The following TSC22D4 variants were observed in gnomAD, a reference collection of about 807,000 sequenced individuals.
The protein encoded by TSC22D4 is TSC22 domain family member 4.
In TSC22D4, 5 loss-of-function variants were observed where a neutral mutation model predicts 24.9. That is an observed-to-expected ratio of 0.20 (90% CI 0.10 to 0.42). TSC22D4 has a LOEUF of 0.42. Ranked by LOEUF, TSC22D4 falls within the 10% of genes least tolerant of loss-of-function variation. The pLI, the probability that TSC22D4 is intolerant of heterozygous loss-of-function variation, is 1.00. For synonymous variants in TSC22D4, 245 were observed against 243.2 expected (o/e 1.01, Z -0.07); for missense variants, 469 against 547.9 (o/e 0.86, Z 1.44).
In TSC22D4 at chr7:100,477,183, G is replaced by A; in HGVS notation, c.762+94C>T. ...CTATCTGATCTTATAAAGTGATGGA[G>A]AAGGAGGAGGAGAGGGGGGGGAGGA... On this transcript the variant is annotated intron_variant, in intron 2 of 4. Transcript: ENST00000300181. The surrounding 1 kb of genome is among the most constrained non-coding windows in gnomAD (Gnocchi z 7.8). The A allele has an allele frequency of 9.3e-7, 1 of 1,080,198 alleles. No individual in the cohort carries two copies. Among genetic ancestry groups the A allele is most frequent in the Non-Finnish European group, 1.3e-6 (1 of 796,912 alleles). 66.9% of individuals were successfully genotyped at this position (1,080,198 alleles called of 1,614,324 possible). A position where few individuals can be genotyped will look rare whatever the true frequency, so the allele number is the denominator to read the frequency against.
intron 4 of TSC22D4, 177 bp from the exon 5 acceptor site, chr7:100,467,345 A>G (rs1799301728): frequency 3.5e-6 from 3 of 850,940 alleles, no homozygotes; most frequent in Admixed American, 2.1e-5. Context: ...AAAGACAGAG[A>G]TGGGGACCAG....
At chr7:100,470,590 G>A (rs1044950842) in intron 3 of TSC22D4, among the ~76,000 whole-genome samples, 5 of 152,160 alleles carry the variant, frequency 3.3e-5, no homozygotes, top group Admixed American at 3.3e-4. Flanking sequence ...ACAGGTGTGA[G>A]TCACTGTGCC....
At chr7:100,470,010 G>A (rs981496909) in intron 3 of TSC22D4, among the ~76,000 whole-genome samples, 3 of 152,164 alleles carry the variant, frequency 2.0e-5, no homozygotes, top group African/African-American at 7.2e-5. Context: ...GAGAGGAGAA[G>A]TTGAAGGGTG....
Position 100,477,733 on chromosome 7 carries a change from G to A in TSC22D4, c.306C>T (p.Pro102=), listed in dbSNP as rs1436801007. Residue 102 remains proline, a synonymous_variant, in exon 2 of 5, where the codon CCC becomes CCT. Transcript: ENST00000300181. The surrounding 1 kb of genome is among the most constrained non-coding windows in gnomAD (Gnocchi z 7.8). ...CVDVYERDLE[P]HSFGGLLEGI... ...CCTCCAGGAGTCCGCCGAAGCTGTGGGGCTCCAGGTCTCGCTCATAAACAT... is the reference window on the plus strand; with the variant it reads ...CCTCCAGGAGTCCGCCGAAGCTGTGAGGCTCCAGGTCTCGCTCATAAACAT... 1.6e-5 allele frequency: 25 copies of A among 1,602,398 alleles called. No homozygotes were observed. The highest frequency in any genetic ancestry group is 1.1e-4 in the East Asian group (5 of 44,836).
chr7:100,469,939 G>C (rs1005236866), intron 3 of TSC22D4, among the ~76,000 whole-genome samples: 42 of 152,298 alleles, frequency 2.8e-4, no homozygotes, highest in African/African-American at 9.9e-4. Flanking sequence ...GAGGTGACTA[G>C]GCCTGAGCGA....
rs1799462714 is a variant in TSC22D4, at chr7:100,474,791, G to A, written c.763-351C>T. ...TAATCAGAGGCTACGCAGCGTGTCT[G>A]CCTTCTTTTATGTTTTATTTTTATT... On this transcript the variant is annotated intron_variant, in intron 2 of 4. Coordinates refer to ENST00000300181, the MANE Select transcript of TSC22D4 (RefSeq NM_030935.5). This position sits in a 1 kb window ranked among gnomAD's most constrained non-coding sequence, Gnocchi z 4.3. 6.6e-6 allele frequency among the ~76,000 whole-genome samples: 1 copy of A among 152,072 alleles called. No individual in the cohort carries two copies.
At chr7:100,471,149 C>T (rs1409050089) in intron 3 of TSC22D4, among the ~76,000 whole-genome samples, 2 of 149,390 alleles carry the variant, frequency 1.3e-5, no homozygotes, top group Non-Finnish European at 3.0e-5. Flanking sequence ...AGGTCTGGGG[C>T]CAAGAAAGTG....
chr7:100,474,177 G>A lies in TSC22D4; in HGVS notation c.929+97C>T. 1.3e-6 allele frequency: 2 copies of A among 1,511,624 alleles called. No homozygotes were observed. Among genetic ancestry groups the A allele is most frequent in the African/African-American group, 1.4e-5 (1 of 73,026 alleles). 93.6% of individuals were successfully genotyped at this position (1,511,624 alleles called of 1,614,324 possible). On this transcript the variant is annotated intron_variant, in intron 3 of 4. Coordinates refer to ENST00000300181, the MANE Select transcript of TSC22D4 (RefSeq NM_030935.5). The surrounding 1 kb of genome is among the most constrained non-coding windows in gnomAD (Gnocchi z 4.3). ...AGAGGTCCTCTCCAAGTTCAACCTG[G>A]GGGAAGGATGCCTACCAGGCACTTT...
chr7:100,477,360 C>A lies in TSC22D4; in HGVS notation c.679G>T (p.Ala227Ser). Residue 227 changes from alanine to serine, a missense_variant, in exon 2 of 5, where the codon GCC becomes TCC. By Grantham distance (99) the Ala-to-Ser change is moderately conservative. Transcript: ENST00000300181. The surrounding 1 kb of genome is among the most constrained non-coding windows in gnomAD (Gnocchi z 7.8). ...CTCCGGGACAGTGGAGGGGTCCTGG[C>A]CCCTGAGCCCCCAGCCTCCGCTTCC... ...RVEAEAGGSG[A>S]RTPPLSRRKA... 6.9e-6 allele frequency: 11 copies of A among 1,582,752 alleles called. No individual in the cohort carries two copies. The highest frequency in any genetic ancestry group is 9.4e-6 in the Non-Finnish European group (11 of 1,165,096).
intron 2 of TSC22D4, among the ~76,000 whole-genome samples, chr7:100,476,160 G>A (rs1481409593): frequency 1.3e-5 from 2 of 151,010 alleles, no homozygotes; most frequent in Non-Finnish European, 3.0e-5. Context: ...GAAGAGTCTG[G>A]GGACAGGACA....
Position 100,477,482 on chromosome 7 carries a change from A to G in TSC22D4, c.557T>C (p.Leu186Pro). Residue 186 changes from leucine to proline, a missense_variant, in exon 2 of 5, where the codon CTG becomes CCG. Leu to Pro is a moderately conservative substitution (Grantham distance 98). Transcript: ENST00000300181. The surrounding 1 kb of genome is among the most constrained non-coding windows in gnomAD (Gnocchi z 7.8). ...PSKAKAEKPP[L>P]SASSPQQRPP... Reference sequence around the variant, plus strand: ...GCGCTGCTGGGGTGAGGAGGCCGACAGTGGGGGTTTCTCTGCCTTGGCTTT... The same window carrying G: ...GCGCTGCTGGGGTGAGGAGGCCGACGGTGGGGGTTTCTCTGCCTTGGCTTT... 1 of 1,551,720 alleles carries G rather than the reference A, an allele frequency of 6.4e-7. No homozygotes were observed. The highest frequency in any genetic ancestry group is 2.3e-5 in the East Asian group (1 of 44,336).
At chr7:100,476,803 A>T (rs1799504108) in intron 2 of TSC22D4, among the ~76,000 whole-genome samples, 1 of 152,162 alleles carries the variant, frequency 6.6e-6, no homozygotes, top group South Asian at 2.1e-4. Context: ...GGCTGGGGGA[A>T]AAGAAAGACC....
intron 3 of TSC22D4, among the ~76,000 whole-genome samples, chr7:100,469,159 G>A (rs867991099): frequency 1.8e-4 from 28 of 151,692 alleles, no homozygotes; most frequent in African/African-American, 6.5e-4. Context: ...CCTGGGAGGC[G>A]GAGGTTGCAG....
chr7:100,466,965 G>A lies in TSC22D4; in HGVS notation c.1182C>T (p.Ser394=), dbSNP rs1426184822. Residue 394 remains serine (S), a synonymous_variant, in exon 5 of 5, where the codon TCC becomes TCT. Coordinates refer to ENST00000300181, the MANE Select transcript of TSC22D4 (RefSeq NM_030935.5). ...ATTGTAAGGGAAGGGAGGCTCAGAC[G>A]GAGGGCCCATTGGGCGCAGGGGGCC... ...RLGPPAPNGP[S]V is the part of the protein sequence containing the mutation. 3.8e-6 allele frequency: 6 copies of A among 1,563,100 alleles called. No individual in the cohort carries two copies. Among genetic ancestry groups the A allele is most frequent in the South Asian group, 2.3e-5 (2 of 86,312 alleles).
intron 3 of TSC22D4, chr7:100,473,990 C>T (rs1232035583): frequency 1.1e-5 from 4 of 360,932 alleles, no homozygotes; most frequent in African/African-American, 6.2e-5. Context: ...TCTAAATCTG[C>T]AAGAGCTCTG....
chr7:100,474,215 C>T lies in TSC22D4; in HGVS notation c.929+59G>A. 6.3e-7 allele frequency: 1 copy of T among 1,596,630 alleles called. No homozygotes were observed. Among genetic ancestry groups the T allele is most frequent in the Non-Finnish European group, 8.6e-7 (1 of 1,168,248 alleles). On this transcript the variant is annotated intron_variant, in intron 3 of 4. Transcript: ENST00000300181. The surrounding 1 kb of genome is among the most constrained non-coding windows in gnomAD (Gnocchi z 4.3). The stretch of plus-strand genomic sequence containing the variant: ...TACCAGGCACTTTCTTACAGCTACC[C>T]CGGGTGCTGGGCGGGGAACCTGAAC...
At chr7:100,472,080 T>C (rs75792206) in intron 3 of TSC22D4, among the ~76,000 whole-genome samples, 3,041 of 151,866 alleles carry the variant, frequency 0.02, 50 homozygotes, top group Non-Finnish European at 0.031. Context: ...CACCCTCTGT[T>C]CGCCCATCCC....
At position 100,466,936 on chromosome 7, in the gene TSC22D4, G is replaced by A; in HGVS notation, c.*23C>T. Reference sequence around the variant, plus strand: ...GACGCAAGGCCGGGCAGCCCCAAAGGCACATTGTAAGGGAAGGGAGGCTCA... The same window carrying A: ...GACGCAAGGCCGGGCAGCCCCAAAGACACATTGTAAGGGAAGGGAGGCTCA... On this transcript the variant is annotated 3_prime_UTR_variant, in exon 5 of 5. Transcript: ENST00000300181. The A allele has an allele frequency of 1.3e-6, 2 of 1,521,744 alleles. No homozygotes were observed. Among genetic ancestry groups the A allele is most frequent in the East Asian group, 2.4e-5 (1 of 41,086 alleles). 94.3% of individuals were successfully genotyped at this position (1,521,744 alleles called of 1,614,324 possible).
chr7:100,476,111 A>G (rs1799491139), intron 2 of TSC22D4, among the ~76,000 whole-genome samples: 2 of 151,800 alleles, frequency 1.3e-5, no homozygotes, highest in Non-Finnish European at 2.9e-5. Flanking sequence ...GCTTAAGGAC[A>G]GAGAGCAGGG....
Sources: gnomAD v4.1 joint callset for allele counts (sites outside exome capture counted in the v4.1 genomes callset) on GRCh38, gnomAD v4.1.1 for gene constraint, Gnocchi (gnomAD v3.1) non-coding constraint, MANE v1.5 for transcripts, NCBI Gene and HGNC (gene_info 2026-07-23, HGNC 2026-07-21) for gene names.